The following SLC8A3 variants were observed in gnomAD, a reference collection of about 807,000 sequenced individuals.
SLC8A3 encodes the protein sodium/calcium exchanger 3.
SLC8A3 carries 37 observed loss-of-function variants against 65.4 expected under a neutral mutation model. The observed-to-expected ratio is 0.57, with a 90% confidence interval of 0.44 to 0.74. The LOEUF is 0.74. SLC8A3 is among the 30% of genes least tolerant of loss of function. The pLI is 0.00. For synonymous variants in SLC8A3, 461 were observed against 444.5 expected (o/e 1.04, Z -0.47); for missense variants, 1,112 against 1,172.1 (o/e 0.95, Z 0.75).
At chr14:70,123,257 T>A (rs1048712279) in intron 2 of SLC8A3, among the ~76,000 whole-genome samples, 5 of 151,006 alleles carry the variant, frequency 3.3e-5, no homozygotes, top group East Asian at 1.9e-4. Context: ...AAAAAAAAAA[T>A]TTATAAATAC....
chr14:70,135,098 T>C (rs1442321909), intron 2 of SLC8A3, among the ~76,000 whole-genome samples: 1 of 152,150 alleles, frequency 6.6e-6, no homozygotes, highest in Non-Finnish European at 1.5e-5. Flanking sequence ...TAGACATTTC[T>C]CAAAAGAAGA....
At chr14:70,120,093 T>C (rs901055511) in intron 2 of SLC8A3, among the ~76,000 whole-genome samples, 1 of 152,188 alleles carries the variant, frequency 6.6e-6, no homozygotes, top group Non-Finnish European at 1.5e-5. Flanking sequence ...CTGCCATCCC[T>C]GAATGGTGGA....
Position 70,152,504 on chromosome 14 carries a change from C to CAACA in SLC8A3, c.1784+14134_1784+14135insTGTT, listed in dbSNP as rs1555381648. On this transcript the variant is annotated intron_variant, in intron 2 of 6. Coordinates refer to ENST00000356921, the MANE Select transcript of SLC8A3 (RefSeq NM_182932.3). ...GAAAACAGGCAAACAACAACAACAA[C>CAACA]AAAACAACAACAACAAGTTCAGTCT... Among the ~76,000 whole-genome samples the CAACA allele has an allele frequency of 5.3e-5, 8 of 151,934 alleles. No individual in the cohort carries two copies. The East Asian group carries it at 5.8e-4, about 11-fold the overall frequency.
At chr14:70,087,294 C>T (rs1480582129) in intron 2 of SLC8A3, among the ~76,000 whole-genome samples, 1 of 152,196 alleles carries the variant, frequency 6.6e-6, no homozygotes, top group African/African-American at 2.4e-5. Flanking sequence ...ACAGATGGCG[C>T]TCTGGAGGAG....
At chr14:70,114,799 G>C (rs975547114) in intron 2 of SLC8A3, among the ~76,000 whole-genome samples, 1 of 152,226 alleles carries the variant, frequency 6.6e-6, no homozygotes, top group African/African-American at 2.4e-5. Context: ...AGTCTGCAGA[G>C]GCTCTGAGGA....
chr14:70,083,455 G>C (rs781015484), intron 2 of SLC8A3, among the ~76,000 whole-genome samples: 3 of 152,180 alleles, frequency 2.0e-5, no homozygotes, highest in African/African-American at 4.8e-5. Context: ...AGCTGCAAAC[G>C]TCTTAAGTTT....
chr14:70,179,907 G>A (rs1882586182), intron 1 of SLC8A3, among the ~76,000 whole-genome samples: 1 of 152,206 alleles, frequency 6.6e-6, no homozygotes, highest in South Asian at 2.1e-4. Context: ...AAATAATGGA[G>A]CCAGAACCAA....
intron 2 of SLC8A3, among the ~76,000 whole-genome samples, chr14:70,147,571 G>A (rs555841431): frequency 5.3e-4 from 80 of 152,272 alleles, no homozygotes; most frequent in African/African-American, 1.8e-3. Context: ...TGACTATTAA[G>A]CCTTGACTTT....
At chr14:70,164,892 C>T (rs1897086203) in intron 2 of SLC8A3, among the ~76,000 whole-genome samples, 1 of 152,216 alleles carries the variant, frequency 6.6e-6, no homozygotes, top group Non-Finnish European at 1.5e-5. Context: ...CCCCAGAGTA[C>T]ATATAAATGG....
chr14:70,082,089 A>G (rs892727129), intron 2 of SLC8A3, among the ~76,000 whole-genome samples: 1 of 152,216 alleles, frequency 6.6e-6, no homozygotes, highest in Admixed American at 6.5e-5. Context: ...AGCTATTAGA[A>G]GTCAGGTAAC....
Position 70,046,463 on chromosome 14 carries a change from C to T in SLC8A3, c.2390-140G>A. ...ACAAGGGCTAGGGGGCCACTCCTAA[C>T]TCCTAGTTCTGCCGCAAGCAAGCCG... On this transcript the variant is annotated intron_variant, in intron 6 of 6. Transcript: ENST00000356921. This position sits in a 1 kb window ranked among gnomAD's most constrained non-coding sequence, Gnocchi z 4.2. 1 of 816,982 alleles carries T rather than the reference C, an allele frequency of 1.2e-6. No homozygotes were observed. The highest frequency in any genetic ancestry group is 1.9e-6 in the Non-Finnish European group (1 of 534,482). The allele number at this position is 816,982 out of a possible 1,614,324, so 50.6% of individuals were successfully genotyped here.
chr14:70,104,055 A>T (rs185146636), intron 2 of SLC8A3, among the ~76,000 whole-genome samples: 1 of 152,216 alleles, frequency 6.6e-6, no homozygotes, highest in East Asian at 1.9e-4. Context: ...TTGCATAAAT[A>T]ATAACGGAAC....
At position 70,173,740 on chromosome 14, in the gene SLC8A3, G is replaced by A. The variant is rs775680695; in HGVS notation, c.-62-5256C>T. On this transcript the variant is annotated intron_variant, in intron 1 of 6. Coordinates refer to ENST00000356921, the MANE Select transcript of SLC8A3 (RefSeq NM_182932.3). ...CTGCACTGGCTCCGTTGTGTCACCC[G>A]AGTCCAAGCACACTGCATATTCTCC... 1.4e-4 allele frequency among the ~76,000 whole-genome samples: 21 copies of A among 152,258 alleles called. No homozygotes were observed. In the East Asian group the frequency reaches 1.5e-3, roughly 11 times the overall value.
Position 70,106,513 on chromosome 14 carries a change from ACT to A in SLC8A3, c.1785-45576_1785-45575del, listed in dbSNP as rs367869604. ...GGTTTAGAAAGTTCACACTTAATTA[ACT>A]CTGTTTTACTTATTTTATGATGATG... is the stretch of plus-strand genomic sequence containing the variant. On this transcript the variant is annotated intron_variant, in intron 2 of 6. Transcript: ENST00000356921. Among the ~76,000 whole-genome samples the A allele has an allele frequency of 4.3e-4, 66 of 152,066 alleles. 1 individual carries two copies. Among genetic ancestry groups the A allele is most frequent in the African/African-American group, 1.3e-3 (55 of 41,406 alleles).
At chr14:70,068,129 T>C (rs370475737) in intron 2 of SLC8A3, among the ~76,000 whole-genome samples, 8 of 152,202 alleles carry the variant, frequency 5.3e-5, no homozygotes, top group African/African-American at 1.4e-4. Flanking sequence ...CCTTTTGAAA[T>C]AGTCCTTTGC....
At chr14:70,148,546 A>AAAAACATGGGGGTGTGAGCC (rs1896073944) in intron 2 of SLC8A3, among the ~76,000 whole-genome samples, 2 of 152,224 alleles carry the variant, frequency 1.3e-5, no homozygotes, top group African/African-American at 4.8e-5. Flanking sequence ...TGTGACCAGT[A>AAAAACATGGGGGTGTGAGCC]AAAACATGGG....
chr14:70,063,958 C>A (rs1174642615), intron 2 of SLC8A3: 2 of 1,274,188 alleles, frequency 1.6e-6, no homozygotes, highest in African/African-American at 1.5e-5. Flanking sequence ...GTATCATAAG[C>A]AAGGAGTAGA....
At chr14:70,093,014 A>T (rs773158883) in intron 2 of SLC8A3, among the ~76,000 whole-genome samples, 13 of 152,228 alleles carry the variant, frequency 8.5e-5, no homozygotes, top group Non-Finnish European at 1.5e-4. Flanking sequence ...GTTAGTTCAA[A>T]GCCTGAAATT....
chr14:70,046,257 G>A lies in SLC8A3; in HGVS notation c.2456C>T (p.Thr819Met), dbSNP rs1886778726. ...VYADASIGNVTGSNAVNVFLG... is the reference protein window; with the variant it reads ...VYADASIGNVMGSNAVNVFLG... ...GAAGACATTGACGGCGTTGCTGCCC[G>A]TCACGTTGCCAATGGAGGCGTCTGC... Residue 819 changes from threonine (T) to methionine (M), a missense_variant, in exon 7 of 7, where the codon ACG (threonine) becomes ATG (methionine). Physicochemically the swap from Thr to Met is moderately conservative, Grantham distance 81. Coordinates refer to ENST00000356921, the MANE Select transcript of SLC8A3 (RefSeq NM_182932.3). The surrounding 1 kb of genome is among the most constrained non-coding windows in gnomAD (Gnocchi z 4.2). The A allele has an allele frequency of 1.2e-6, 2 of 1,614,152 alleles. No homozygotes were observed. Among genetic ancestry groups the A allele is most frequent in the Non-Finnish European group, 1.7e-6 (2 of 1,179,980 alleles).
Sources: allele counts gnomAD v4.1 joint callset (sites outside exome capture counted in the v4.1 genomes callset), GRCh38; gene constraint gnomAD v4.1.1; non-coding constraint Gnocchi (gnomAD v3.1); transcripts MANE v1.5; gene names NCBI Gene and HGNC (gene_info 2026-07-23, HGNC 2026-07-21).